CEP128: variants seen among roughly 807,000 people sequenced by gnomAD.
The protein encoded by CEP128 is centrosomal protein 128.
CEP128 carries 132 observed loss-of-function variants against 156.7 expected under a neutral mutation model. That is an observed-to-expected ratio of 0.84 (90% CI 0.73 to 0.97). The LOEUF (loss-of-function observed/expected upper bound fraction) is 0.97. CEP128 is among the 50% of genes least tolerant of loss of function. CEP128 has a pLI of 0.00. For synonymous variants in CEP128, 469 were observed against 448.9 expected (o/e 1.04, Z -0.57); for missense variants, 1,252 against 1,281.9 (o/e 0.98, Z 0.36).
intron 2 of CEP128, among the ~76,000 whole-genome samples, chr14:80,949,489 G>C (rs758421866): frequency 1.3e-5 from 2 of 152,104 alleles, no homozygotes; most frequent in Non-Finnish European, 2.9e-5. Flanking sequence ...TAGCAAGATT[G>C]GAGGTAAAAT....
intron 19 of CEP128, among the ~76,000 whole-genome samples, chr14:80,594,370 T>C (rs1048500478): frequency 1.6e-4 from 25 of 152,132 alleles, no homozygotes; most frequent in African/African-American, 6.0e-4. Flanking sequence ...ATAAAAACCC[T>C]AGAAGAAAAC....
chr14:80,617,187 G>C (rs1245375827), intron 19 of CEP128, among the ~76,000 whole-genome samples: 2 of 144,406 alleles, frequency 1.4e-5, no homozygotes, highest in Non-Finnish European at 3.0e-5. Flanking sequence ...CTGATCCATT[G>C]GGGCAAATCA....
In CEP128 at chr14:80,501,041, T is replaced by G. The variant is rs546640162; in HGVS notation, c.3182-3459A>C. On this transcript the variant is annotated intron_variant, in intron 24 of 24. Coordinates refer to ENST00000555265, the MANE Select transcript of CEP128 (RefSeq NM_152446.5). ...ATATGTCCACTAGTAGTCTTTTTTT[T>G]TTTAAGTGTTCAATCGTATCAGATA... is the stretch of plus-strand genomic sequence containing the variant. Among the ~76,000 whole-genome samples the G allele has an allele frequency of 6.6e-5, 10 of 152,306 alleles. No individual in the cohort carries two copies. In the South Asian group the frequency reaches 1.9e-3, roughly 28 times the overall value.
At chr14:80,894,319 C>G (rs1007770719) in intron 8 of CEP128, among the ~76,000 whole-genome samples, 7 of 151,866 alleles carry the variant, frequency 4.6e-5, no homozygotes, top group African/African-American at 1.7e-4. Context: ...TAAAGAGGAC[C>G]TTAGAGCAAC....
chr14:80,659,119 T>C (rs1056091987), intron 19 of CEP128, among the ~76,000 whole-genome samples: 4 of 152,126 alleles, frequency 2.6e-5, no homozygotes, highest in Non-Finnish European at 5.9e-5. Context: ...TAACTTCCCA[T>C]CAAGGAAGTG....
intron 2 of CEP128, 52 bp from the exon 3 acceptor site, chr14:80,916,614 T>A (rs1459449092): frequency 2.1e-6 from 3 of 1,399,488 alleles, no homozygotes; most frequent in Non-Finnish European, 3.0e-6. Context: ...AGCATGGAAA[T>A]AAAAGACTAA....
In CEP128 at chr14:80,617,217, A is replaced by ACCTTTT. The variant is rs1491470595; in HGVS notation, c.2807-36795_2807-36794insAAAAGG. Among the ~76,000 whole-genome samples the ACCTTTT allele has an allele frequency of 2.0e-3, 85 of 43,142 alleles. 4 individuals are homozygous for ACCTTTT. The highest frequency in any genetic ancestry group is 0.017 in the Middle Eastern group (1 of 58). 28.3% of individuals were successfully genotyped at this position (43,142 alleles called of 152,430 possible). A position where few individuals can be genotyped will look rare whatever the true frequency, so the allele number is the denominator to read the frequency against. On this transcript the variant is annotated intron_variant, in intron 19 of 24. Transcript: ENST00000555265. ...AAATCACTTAACCTATGTGAATATCATCTTTTTTTTTTTTTTTTTTTTTTT... is the reference window on the plus strand; with the variant it reads ...AAATCACTTAACCTATGTGAATATCACCTTTTTCTTTTTTTTTTTTTTTTTTTTTTT...
At chr14:80,581,571 G>A (rs1432194579) in intron 19 of CEP128, among the ~76,000 whole-genome samples, 2 of 152,130 alleles carry the variant, frequency 1.3e-5, no homozygotes, top group East Asian at 3.9e-4. Flanking sequence ...CAGATGAGTG[G>A]TAAGCAATCT....
intron 19 of CEP128, among the ~76,000 whole-genome samples, chr14:80,720,672 A>T (rs1271549319): frequency 1.3e-5 from 2 of 152,230 alleles, no homozygotes; most frequent in Non-Finnish European, 2.9e-5. Context: ...TGTAGCTAAT[A>T]AAAGTTCTTC....
intron 19 of CEP128, among the ~76,000 whole-genome samples, chr14:80,598,070 A>G (rs1892420490): frequency 6.6e-6 from 1 of 151,900 alleles, no homozygotes; most frequent in Admixed American, 6.6e-5. Flanking sequence ...CACAATTCTT[A>G]TTCATCATAG....
chr14:80,778,750 T>C (rs887373169), intron 15 of CEP128, among the ~76,000 whole-genome samples: 6 of 152,192 alleles, frequency 3.9e-5, no homozygotes, highest in African/African-American at 1.4e-4. Context: ...AAATAATCTA[T>C]TCTATATAGG....
Position 80,940,132 on chromosome 14 carries a change from A to G in CEP128, c.-171-592T>C, listed in dbSNP as rs534639936. ...AGAGAACTGGGAGTTGTCTACATAA[A>G]AGGTAGATCTGGGAATACATCTATA... On this transcript the variant is annotated intron_variant, in intron 1 of 24. Coordinates refer to ENST00000555265, the MANE Select transcript of CEP128 (RefSeq NM_152446.5). Among the ~76,000 whole-genome samples the G allele has an allele frequency of 2.4e-3, 367 of 152,370 alleles. 1 individual carries two copies. Among genetic ancestry groups the G allele is most frequent in the Middle Eastern group, 0.01 (3 of 294 alleles).
At chr14:80,929,494 T>A (rs974001276) in intron 2 of CEP128, among the ~76,000 whole-genome samples, 1 of 152,106 alleles carries the variant, frequency 6.6e-6, no homozygotes, top group Non-Finnish European at 1.5e-5. Context: ...GATGAGTGCA[T>A]AAGGAAAATG....
At chr14:80,952,772 G>GA (rs912912885) in intron 2 of CEP128, among the ~76,000 whole-genome samples, 1 of 151,916 alleles carries the variant, frequency 6.6e-6, no homozygotes, top group African/African-American at 2.4e-5. Context: ...GTACTTAGGT[G>GA]AAAAAAAGAA....
At chr14:80,903,500 G>C (rs2371421) in intron 6 of CEP128, among the ~76,000 whole-genome samples, 57,106 of 151,832 alleles carry the variant, frequency 0.38, 10,996 homozygotes, top group South Asian at 0.51. Flanking sequence ...ACAGGCAAAT[G>C]AGATCACATC....
chr14:80,848,470 G>T (rs1047658711), intron 9 of CEP128, among the ~76,000 whole-genome samples: 5 of 152,040 alleles, frequency 3.3e-5, no homozygotes, highest in Non-Finnish European at 7.4e-5. Context: ...GACCAGCCTG[G>T]TCAACATGAC....
chr14:80,695,443 T>C (rs545219534), intron 19 of CEP128, among the ~76,000 whole-genome samples: 19 of 150,694 alleles, frequency 1.3e-4, no homozygotes, highest in Non-Finnish European at 2.4e-4. Context: ...TGGCCAGGCA[T>C]GGTGGCTCAT....
intron 21 of CEP128, among the ~76,000 whole-genome samples, chr14:80,558,580 G>A (rs1021931745): frequency 6.6e-5 from 10 of 151,878 alleles, no homozygotes; most frequent in Non-Finnish European, 8.8e-5. Context: ...GAGCCACCGC[G>A]CCTGGCCAAT....
intron 8 of CEP128, among the ~76,000 whole-genome samples, chr14:80,864,980 T>G (rs562604715): frequency 1.3e-5 from 2 of 152,314 alleles, no homozygotes; most frequent in East Asian, 1.9e-4. Context: ...TAACATTATT[T>G]TTGCCAATAC....
Sources: gnomAD v4.1 joint callset for allele counts (sites outside exome capture counted in the v4.1 genomes callset) on GRCh38, gnomAD v4.1.1 for gene constraint, MANE v1.5 for transcripts, NCBI Gene and HGNC (gene_info 2026-07-23, HGNC 2026-07-21) for gene names.